The following UBE2E2 variants were observed in gnomAD, a reference collection of about 807,000 sequenced individuals.
The protein encoded by UBE2E2 is ubiquitin-conjugating enzyme E2 E2.
In UBE2E2, 6 loss-of-function variants were observed where a neutral mutation model predicts 24.7. That is an observed-to-expected ratio of 0.24 (90% CI 0.13 to 0.48). UBE2E2 has a LOEUF of 0.48. UBE2E2 is among the 20% of genes least tolerant of loss of function. The pLI is 0.99. For synonymous variants in UBE2E2, 104 were observed against 83.6 expected (o/e 1.24, Z -1.33); for missense variants, 169 against 245.0 (o/e 0.69, Z 2.07).
chr3:23,354,023 T>G (rs956825062), intron 3 of UBE2E2, among the ~76,000 whole-genome samples: 3 of 152,216 alleles, frequency 2.0e-5, no homozygotes, highest in African/African-American at 7.2e-5. Context: ...AGCATGGTAC[T>G]GGTACCAAAA....
At chr3:23,586,956 C>G (rs559731798) in intron 5 of UBE2E2, among the ~76,000 whole-genome samples, 24 of 151,656 alleles carry the variant, frequency 1.6e-4, no homozygotes, top group African/African-American at 5.8e-4. Flanking sequence ...AGAAAACATA[C>G]CACGATGTTA....
intron 3 of UBE2E2, among the ~76,000 whole-genome samples, chr3:23,243,077 C>A (rs1251807506): frequency 2.7e-5 from 4 of 147,770 alleles, no homozygotes; most frequent in East Asian, 2.0e-4. Context: ...CAGAGTGAGA[C>A]GCTGTTTCAA....
At chr3:23,574,515 A>G (rs900482350) in intron 5 of UBE2E2, among the ~76,000 whole-genome samples, 26 of 151,862 alleles carry the variant, frequency 1.7e-4, no homozygotes, top group Non-Finnish European at 3.1e-4. Context: ...TACACCTACT[A>G]TGTACCCACA....
chr3:23,249,679 G>A (rs1464899992), intron 3 of UBE2E2, among the ~76,000 whole-genome samples: 4 of 151,094 alleles, frequency 2.6e-5, no homozygotes, highest in African/African-American at 4.9e-5. Context: ...ATTTTGAGAT[G>A]GAGTCTTGCT....
chr3:23,493,209 A>C (rs2125450967), intron 3 of UBE2E2, among the ~76,000 whole-genome samples: 1 of 152,326 alleles, frequency 6.6e-6, no homozygotes, highest in East Asian at 1.9e-4. Flanking sequence ...TGGTCTTAGA[A>C]TCACAGGTGT....
intron 3 of UBE2E2, among the ~76,000 whole-genome samples, chr3:23,483,395 G>A (rs78535080): frequency 0.013 from 2,031 of 152,308 alleles, 43 homozygotes; most frequent in African/African-American, 0.047. Flanking sequence ...GACACTGCAT[G>A]TATGTAAATA....
At chr3:23,562,530 C>G (rs1316944484) in intron 5 of UBE2E2, among the ~76,000 whole-genome samples, 1 of 152,048 alleles carries the variant, frequency 6.6e-6, no homozygotes, top group Non-Finnish European at 1.5e-5. Flanking sequence ...CTAAAATTCT[C>G]TTTTTTGGTT....
chr3:23,239,443 C>T (rs1283258175), intron 3 of UBE2E2, among the ~76,000 whole-genome samples: 3 of 151,952 alleles, frequency 2.0e-5, no homozygotes, highest in South Asian at 4.2e-4. Flanking sequence ...ATTCCCCCCT[C>T]CCCCCCAGCT....
chr3:23,396,667 C>T (rs995683478), intron 3 of UBE2E2, among the ~76,000 whole-genome samples: 3 of 152,056 alleles, frequency 2.0e-5, no homozygotes, highest in Non-Finnish European at 4.4e-5. Flanking sequence ...CTTAACCTTT[C>T]TGTCTCTCTG....
Position 23,279,126 on chromosome 3 carries a change from T to C in UBE2E2, c.227+61814T>C, listed in dbSNP as rs1698433747. Among the ~76,000 whole-genome samples, 3 of 152,186 alleles carry C rather than the reference T, an allele frequency of 2.0e-5. No individual in the cohort carries two copies. In the South Asian group the frequency reaches 6.2e-4, roughly 31 times the overall value. On this transcript the variant is annotated intron_variant, in intron 3 of 5. Transcript: ENST00000396703. ...TTTGTTGTTGTAATAAACATGGTTT[T>C]AAAACAGTTGTCACTGTTTATAATT...
At chr3:23,478,133 A>T (rs889835179) in intron 3 of UBE2E2, among the ~76,000 whole-genome samples, 1 of 152,226 alleles carries the variant, frequency 6.6e-6, no homozygotes, top group African/African-American at 2.4e-5. Flanking sequence ...TGTCAATGTT[A>T]CAAGTGTCAG....
intron 5 of UBE2E2, among the ~76,000 whole-genome samples, chr3:23,568,734 C>T (rs936796240): frequency 7.6e-6 from 1 of 131,410 alleles, no homozygotes; most frequent in Non-Finnish European, 1.6e-5. Flanking sequence ...TATATGTATA[C>T]ATATATATAT....
At chr3:23,353,153 T>G (rs7374774) in intron 3 of UBE2E2, among the ~76,000 whole-genome samples, 85,937 of 151,560 alleles carry the variant, frequency 0.57, 24,604 homozygotes, top group Admixed American at 0.68. Flanking sequence ...TATCTCAATA[T>G]ATGCAGAAAA....
intron 3 of UBE2E2, among the ~76,000 whole-genome samples, chr3:23,260,006 C>G (rs1697853660): frequency 1.3e-5 from 2 of 152,108 alleles, no homozygotes; most frequent in Non-Finnish European, 2.9e-5. Context: ...ATGTTGTTAT[C>G]CCTTTTATGT....
chr3:23,512,789 A>G (rs1694634037), intron 4 of UBE2E2, among the ~76,000 whole-genome samples: 1 of 152,124 alleles, frequency 6.6e-6, no homozygotes, highest in East Asian at 1.9e-4. Context: ...TACTAAAAAT[A>G]CAAAAATTAG....
At chr3:23,527,099 A>G (rs2125480599) in intron 4 of UBE2E2, among the ~76,000 whole-genome samples, 1 of 152,342 alleles carries the variant, frequency 6.6e-6, no homozygotes, top group South Asian at 2.1e-4. Context: ...GGAAATGTAA[A>G]TTAAAACCAC....
At chr3:23,582,394 G>C (rs1316932233) in intron 5 of UBE2E2, among the ~76,000 whole-genome samples, 1 of 152,018 alleles carries the variant, frequency 6.6e-6, no homozygotes, top group Admixed American at 6.6e-5. Context: ...CTTTATGATA[G>C]AAATATTCCT....
chr3:23,469,579 A>G (rs1010259285), intron 3 of UBE2E2, among the ~76,000 whole-genome samples: 1 of 152,240 alleles, frequency 6.6e-6, no homozygotes, highest in Non-Finnish European at 1.5e-5. Flanking sequence ...GCATGCTTAA[A>G]TGATAAAGTA....
At chr3:23,224,156 G>GTTTTTTTGTT (rs1696745773) in intron 3 of UBE2E2, among the ~76,000 whole-genome samples, 2 of 93,716 alleles carry the variant, frequency 2.1e-5, no homozygotes, top group Non-Finnish European at 4.0e-5. Flanking sequence ...TAAATTTTAG[G>GTTTTTTTGTT]TTTTTTTTTT....
Sources: gnomAD v4.1 joint callset for allele counts (sites outside exome capture counted in the v4.1 genomes callset) on GRCh38, gnomAD v4.1.1 for gene constraint, MANE v1.5 for transcripts, NCBI Gene and HGNC (gene_info 2026-07-23, HGNC 2026-07-21) for gene names.